The following SLC26A1 variants were observed in gnomAD, a reference collection of about 807,000 sequenced individuals.
SLC26A1 encodes solute carrier family 26 member 1.
Under a neutral mutation model 14.5 loss-of-function variants are expected in SLC26A1, and 18 were observed. The observed-to-expected ratio is 1.24, with a 90% CI of 0.86 to 1.84. The LOEUF (loss-of-function observed/expected upper bound fraction) is 1.84. Ranked by LOEUF, SLC26A1 falls within the 40% of genes most tolerant of loss-of-function variation. The probability of loss-of-function intolerance (pLI) is 0.00; values close to 1 mark genes in which losing one functional copy is unlikely to be tolerated. For missense variants in SLC26A1, 1,049 were observed against 1,020.0 expected (o/e 1.03, Z -0.39); for synonymous variants, 505 against 492.0 (o/e 1.03, Z -0.35).
At position 988,990 on chromosome 4, in the gene SLC26A1, C is replaced by CT; in HGVS notation, c.1948dup (p.Ser650LysfsTer23). On this transcript the variant is annotated frameshift_variant, in exon 3 of 3. Transcript: ENST00000398516. LOFTEE classifies it low-confidence loss of function (END_TRUNC). ...GCTCAGAATGTCTCTCACAGGCGGG[C>CT]TGCAGCAGGCTAGCAGCAGGCTGAT... 1 of 1,592,938 alleles carries CT rather than the reference C, an allele frequency of 6.3e-7. No individual in the cohort carries two copies. The highest frequency in any genetic ancestry group is 8.5e-7 in the Non-Finnish European group (1 of 1,170,386).
chr4:983,827 T>G (rs1713619863), downstream of SLC26A1, among the ~76,000 whole-genome samples: 1 of 152,150 alleles, frequency 6.6e-6, no homozygotes, highest in African/African-American at 2.4e-5. Context: ...ACCATTTAAT[T>G]TTGTCTTTTC....
downstream of SLC26A1, chr4:987,549 A>G: frequency 1.7e-6 from 2 of 1,172,110 alleles, no homozygotes; most frequent in Non-Finnish European, 2.3e-6. Context: ...CATTCCTTCC[A>G]CCTAGAGCTG....
chr4:985,190 CT>C (rs1164273962), downstream of SLC26A1, among the ~76,000 whole-genome samples: 1 of 152,280 alleles, frequency 6.6e-6, no homozygotes, highest in Non-Finnish European at 1.5e-5. Context: ...GGCCCCCCGC[CT>C]GAGCCTCGAC....
chr4:984,403 G>C (rs1012573923), downstream of SLC26A1, among the ~76,000 whole-genome samples: 1 of 152,104 alleles, frequency 6.6e-6, no homozygotes, highest in Non-Finnish European at 1.5e-5. Context: ...TAAATTTATT[G>C]TTTTGCTTTA....
Position 988,356 on chromosome 4 carries a change from A to AG in SLC26A1, c.*476dup. On this transcript the variant is annotated 3_prime_UTR_variant, in exon 3 of 3. Coordinates refer to ENST00000398516, the MANE Select transcript of SLC26A1 (RefSeq NM_022042.4). ...CTGTGAGGGGGAGGCACGAGGTGTG[A>AG]GGGGCACTTGGGTGTGTGGGGCCTT... 9.2e-7 allele frequency: 1 copy of AG among 1,081,976 alleles called. No homozygotes were observed. Among genetic ancestry groups the AG allele is most frequent in the Non-Finnish European group, 1.1e-6 (1 of 890,176 alleles). 67.0% of individuals were successfully genotyped at this position (1,081,976 alleles called of 1,614,324 possible).
chr4:979,289 T>A (rs1045855718), exon 3 of SLC26A1: 8 of 673,922 alleles, frequency 1.2e-5, no homozygotes, highest in Non-Finnish European at 2.1e-5. Flanking sequence ...CTGCCTTTTT[T>A]CCCCAGGTGC....
Position 988,937 on chromosome 4 carries a change from C to T in SLC26A1, c.2002G>A (p.Gly668Arg), listed in dbSNP as rs142262555. The T allele has an allele frequency of 3.5e-4, 552 of 1,598,818 alleles. 9 individuals are homozygous for T. The Middle Eastern group carries it at 6.3e-3, about 18-fold the overall frequency. Residue 668 changes from glycine (G) to arginine (R), a missense_variant, in exon 3 of 3, where the codon GGG (glycine) becomes AGG (arginine). Coordinates refer to ENST00000398516, the MANE Select transcript of SLC26A1 (RefSeq NM_022042.4). ...SRGGFLGEGPGDTAEEEQLFL... is the reference protein window; with the variant it reads ...SRGGFLGEGPRDTAEEEQLFL... ...AGCTGCTCCTCCTCAGCCGTGTCCC[C>T]GGGGCCCTCCCCGAGGAAGCCTCCT... is the stretch of plus-strand genomic sequence containing the variant.
chr4:979,246 TTC>T (rs1713463790), exon 3 of SLC26A1: 1 of 589,328 alleles, frequency 1.7e-6, no homozygotes, highest in Non-Finnish European at 3.0e-6. Context: ...TTGCTCAGGC[TTC>T]TCTCCTCTGC....
downstream of SLC26A1, among the ~76,000 whole-genome samples, chr4:983,012 A>T (rs1391442825): frequency 6.6e-6 from 1 of 152,250 alleles, no homozygotes; most frequent in East Asian, 1.9e-4. Context: ...GTGAGGCGAC[A>T]GGCGCGGGCC....
At chr4:980,365 C>G (rs1577501453) in intron 2 of SLC26A1, among the ~76,000 whole-genome samples, 1 of 152,160 alleles carries the variant, frequency 6.6e-6, no homozygotes, top group Non-Finnish European at 1.5e-5. Flanking sequence ...GTGGGCAGAT[C>G]ACCTGAGGTC....
rs1395466649 is a variant in SLC26A1, at chr4:989,681, C to G, written c.1258G>C (p.Ala420Pro). Reference sequence around the variant, plus strand: ...AGCAGCACCAGCAGCACCACGGTGGCGCTGACCACGCTGGACAGCTGTGTC... The same window carrying G: ...AGCAGCACCAGCAGCACCACGGTGGGGCTGACCACGCTGGACAGCTGTGTC... ...CRTQLSSVVS[A>P]TVVLLVLLAL... Residue 420 changes from alanine to proline, a missense_variant, in exon 3 of 3, where the codon GCC becomes CCC. By Grantham distance (27) the Ala-to-Pro change is conservative. Transcript: ENST00000398516. 3 of 1,565,040 alleles carry G rather than the reference C, an allele frequency of 1.9e-6. No individual in the cohort carries two copies. Among genetic ancestry groups the G allele is most frequent in the Non-Finnish European group, 2.6e-6 (3 of 1,155,738 alleles).
chr4:983,279 T>C (rs915019501), downstream of SLC26A1, among the ~76,000 whole-genome samples: 2 of 152,248 alleles, frequency 1.3e-5, no homozygotes. Context: ...CTCCTGTCTC[T>C]GGCCCCTCAT....
At chr4:979,574 C>G in intron 2 of SLC26A1, 1 of 1,590,776 alleles carries the variant, frequency 6.3e-7, no homozygotes, top group Non-Finnish European at 8.6e-7. Flanking sequence ...AGCCAAACGT[C>G]CCCCTGCCGG....
chr4:979,399 T>C (rs1352535421), exon 3 of SLC26A1: 1 of 1,480,226 alleles, frequency 6.8e-7, no homozygotes, highest in South Asian at 1.2e-5. Context: ...CGGCATTTCC[T>C]GTTAAATCAG....
chr4:979,468 A>T (rs1201902860), exon 3 of SLC26A1: 1 of 1,613,808 alleles, frequency 6.2e-7, no homozygotes. Flanking sequence ...GTTAATTGCC[A>T]TGGGTGTTGC....
At chr4:982,356 C>T (rs1057510663) in intron 2 of SLC26A1, among the ~76,000 whole-genome samples, 4 of 152,232 alleles carry the variant, frequency 2.6e-5, no homozygotes, top group Admixed American at 6.5e-5. Context: ...CCCCTGTCCT[C>T]GGTGGCTTGC....
In SLC26A1 at chr4:991,688, C is replaced by G. The variant is rs754358942; in HGVS notation, c.16G>C (p.Glu6Gln). The G allele has an allele frequency of 1.2e-4, 190 of 1,534,372 alleles. 2 individuals carry two copies. In the South Asian group the frequency reaches 1.6e-3, roughly 13 times the overall value. The change falls in exon 2 of 3, where the codon GAG (glutamate) becomes CAG (glutamine). Residue 6 changes from glutamate to glutamine, a missense_variant. Physicochemically the swap from Glu to Gln is conservative, Grantham distance 29 (BLOSUM62 2). Coordinates refer to ENST00000398516, the MANE Select transcript of SLC26A1 (RefSeq NM_022042.4). Reference protein sequence around the residue: MDESPEPLQQGRGPVP... With the variant: MDESPQPLQQGRGPVP... ...GGCCCTCTGCCCTGCTGCAGAGGCT[C>G]AGGGGACTCGTCCATCCTGTTGCGT...
chr4:989,673 C>T lies in SLC26A1; in HGVS notation c.1266G>A (p.Val422=). The T allele has an allele frequency of 6.4e-7, 1 of 1,571,928 alleles. No homozygotes were observed. Among genetic ancestry groups the T allele is most frequent in the South Asian group, 1.2e-5 (1 of 85,938 alleles). Reference sequence around the variant, plus strand: ...CCAGCGCCAGCAGCACCAGCAGCACCACGGTGGCGCTGACCACGCTGGACA... The same window carrying T: ...CCAGCGCCAGCAGCACCAGCAGCACTACGGTGGCGCTGACCACGCTGGACA... ...TQLSSVVSAT[V]VLLVLLALAP... is the part of the protein sequence containing the mutation. The change falls in exon 3 of 3, where the codon GTG becomes GTA. Residue 422 remains valine (V), a synonymous_variant. Coordinates refer to ENST00000398516, the MANE Select transcript of SLC26A1 (RefSeq NM_022042.4).
chr4:991,271 C>T lies in SLC26A1; in HGVS notation c.433G>A (p.Gly145Ser), dbSNP rs387907486. ...AGGCCGTCCTGGGAGGGGTCAAAGC[C>T]GGCCAGCTGGAGCTCCCGGTCCACC... ...QVVDRELQLA[G>S]FDPSQDGLQP... Residue 145 changes from glycine to serine, a missense_variant, in exon 2 of 3, where the codon GGC becomes AGC. Physicochemically the swap from Gly to Ser is moderately conservative, Grantham distance 56. Transcript: ENST00000398516. The T allele has an allele frequency of 1.8e-5, 29 of 1,612,542 alleles. No homozygotes were observed. The highest frequency in any genetic ancestry group is 2.5e-5 in the Non-Finnish European group (29 of 1,179,866).
Sources: gnomAD v4.1 joint callset for allele counts (sites outside exome capture counted in the v4.1 genomes callset) on GRCh38, gnomAD v4.1.1 for gene constraint, MANE v1.5 for transcripts, NCBI Gene and HGNC (gene_info 2026-07-23, HGNC 2026-07-21) for gene names.